Variants in MVB12B observed in about 807,000 individuals in gnomAD.
MVB12B encodes the protein ESCRT-I complex subunit MVB12B.
In MVB12B, 16 loss-of-function variants were observed where a neutral mutation model predicts 41.6. The ratio of observed to expected loss-of-function variants is 0.38; its 90% CI spans 0.26 to 0.58. The LOEUF is 0.58. MVB12B is among the 20% of genes least tolerant of loss of function. The probability of loss-of-function intolerance (pLI) is 0.62; values close to 1 mark genes in which losing one functional copy is unlikely to be tolerated. For missense variants in MVB12B, 274 were observed against 380.2 expected (o/e 0.72, Z 2.32); for synonymous variants, 133 against 139.7 (o/e 0.95, Z 0.34).
intron 7 of MVB12B, among the ~76,000 whole-genome samples, chr9:126,446,938 CTTTTT>C (rs33991689): frequency 9.6e-6 from 1 of 104,316 alleles, no homozygotes; most frequent in African/African-American, 3.9e-5. Flanking sequence ...TTTTAACTTT[CTTTTT>C]TTTTTTTTTT....
intron 2 of MVB12B, among the ~76,000 whole-genome samples, chr9:126,369,779 G>A (rs569846395): frequency 7.9e-5 from 12 of 152,190 alleles, no homozygotes; most frequent in Admixed American, 5.2e-4. Flanking sequence ...TCAGCCTCCC[G>A]AGTAGCTGGG....
At chr9:126,404,524 C>T (rs1039101446) in intron 6 of MVB12B, among the ~76,000 whole-genome samples, 4 of 152,224 alleles carry the variant, frequency 2.6e-5, no homozygotes, top group South Asian at 2.1e-4. Context: ...CAGGTGGCCC[C>T]GCCATCTTCC....
chr9:126,346,139 G>T (rs1829579810), intron 2 of MVB12B, among the ~76,000 whole-genome samples: 1 of 152,172 alleles, frequency 6.6e-6, no homozygotes, highest in Non-Finnish European at 1.5e-5. Context: ...AGACAGATGT[G>T]TGTTTTCCCA....
chr9:126,368,804 C>A (rs1021578849), intron 2 of MVB12B, among the ~76,000 whole-genome samples: 1 of 152,214 alleles, frequency 6.6e-6, no homozygotes, highest in East Asian at 1.9e-4. Context: ...CTTTCAACCA[C>A]ACCAGTTTGC....
chr9:126,470,406 G>A (rs1231043801), intron 7 of MVB12B, among the ~76,000 whole-genome samples: 1 of 152,142 alleles, frequency 6.6e-6, no homozygotes, highest in African/African-American at 2.4e-5. Flanking sequence ...GTGGACTGTG[G>A]GGCAGCTGCC....
intron 9 of MVB12B, among the ~76,000 whole-genome samples, chr9:126,495,857 C>G (rs1441284084): frequency 6.6e-6 from 1 of 152,198 alleles, no homozygotes; most frequent in Admixed American, 6.5e-5. Context: ...TGTGAACCTG[C>G]AGCTTGTACA....
intron 6 of MVB12B, among the ~76,000 whole-genome samples, chr9:126,402,396 G>C (rs1831290334): frequency 6.6e-6 from 1 of 151,988 alleles, no homozygotes; most frequent in Admixed American, 6.6e-5. Flanking sequence ...CTAGCACTTT[G>C]GGAGGCTGAG....
At chr9:126,385,395 T>A (rs1008246401) in intron 3 of MVB12B, among the ~76,000 whole-genome samples, 1 of 152,144 alleles carries the variant, frequency 6.6e-6, no homozygotes, top group Non-Finnish European at 1.5e-5. Context: ...GTTTAGATGA[T>A]AAGAACTCCC....
At chr9:126,441,278 T>C (rs1035689321) in intron 7 of MVB12B, among the ~76,000 whole-genome samples, 2 of 152,184 alleles carry the variant, frequency 1.3e-5, no homozygotes, top group African/African-American at 2.4e-5. Context: ...GGGAGCATAA[T>C]AGAGAGAGGC....
intron 7 of MVB12B, among the ~76,000 whole-genome samples, chr9:126,467,439 T>C (rs1054780100): frequency 2.0e-5 from 3 of 152,252 alleles, no homozygotes; most frequent in Non-Finnish European, 4.4e-5. Context: ...AGCAGGTTTC[T>C]TCACTGTAAA....
At chr9:126,499,493 G>A (rs1833906476) in intron 9 of MVB12B, among the ~76,000 whole-genome samples, 1 of 152,212 alleles carries the variant, frequency 6.6e-6, no homozygotes, top group Non-Finnish European at 1.5e-5. Flanking sequence ...TTATGCAGGA[G>A]ACTAATGTCT....
At chr9:126,456,025 G>C (rs1351427521) in intron 7 of MVB12B, among the ~76,000 whole-genome samples, 1 of 151,358 alleles carries the variant, frequency 6.6e-6, no homozygotes, top group African/African-American at 2.4e-5. Flanking sequence ...CAAGTAGCTG[G>C]GATCACAGGT....
chr9:126,490,809 C>T (rs1833715683), intron 9 of MVB12B, among the ~76,000 whole-genome samples: 1 of 152,156 alleles, frequency 6.6e-6, no homozygotes, highest in African/African-American at 2.4e-5. Flanking sequence ...TAATTTTATA[C>T]CTAAATATTT....
At chr9:126,337,188 C>T (rs1369505379) in intron 1 of MVB12B, among the ~76,000 whole-genome samples, 2 of 152,092 alleles carry the variant, frequency 1.3e-5, no homozygotes, top group African/African-American at 2.4e-5. Context: ...CCTGATTGGC[C>T]CTGCAACTTC....
chr9:126,395,061 G>A lies in MVB12B; in HGVS notation c.540-514G>A, dbSNP rs1473442908. Among the ~76,000 whole-genome samples, 1 of 152,096 alleles carries A rather than the reference G, an allele frequency of 6.6e-6. No individual in the cohort carries two copies. Among genetic ancestry groups the A allele is most frequent in the African/African-American group, 2.4e-5 (1 of 41,390 alleles). On this transcript the variant is annotated intron_variant, in intron 5 of 9. Transcript: ENST00000361171. This position sits in a 1 kb window ranked among gnomAD's most constrained non-coding sequence, Gnocchi z 4.9. ...TGTGGTTCATGGGGCCTCGAGTTTT[G>A]TAGTTTGAAGATGACTCCCAAACTG...
At chr9:126,424,928 G>A (rs1319423744) in intron 7 of MVB12B, among the ~76,000 whole-genome samples, 2 of 152,230 alleles carry the variant, frequency 1.3e-5, no homozygotes, top group African/African-American at 4.8e-5. Context: ...AGTCAGGGGT[G>A]GGAGGTGGAT....
chr9:126,371,500 G>A (rs763675131), intron 2 of MVB12B, among the ~76,000 whole-genome samples: 14 of 152,226 alleles, frequency 9.2e-5, no homozygotes, highest in Non-Finnish European at 1.5e-4. Flanking sequence ...GCTGGGAATA[G>A]GGACCTGCTT....
Position 126,499,713 on chromosome 9 carries a change from CAAG to C in MVB12B, c.874-3460_874-3458del, listed in dbSNP as rs200058061. Among the ~76,000 whole-genome samples, 609 of 152,114 alleles carry C rather than the reference CAAG, an allele frequency of 4.0e-3. 4 individuals carry two copies. Among genetic ancestry groups the C allele is most frequent in the Middle Eastern group, 0.017 (5 of 292 alleles). On this transcript the variant is annotated intron_variant, in intron 9 of 9. Coordinates refer to ENST00000361171, the MANE Select transcript of MVB12B (RefSeq NM_033446.3). ...ATTTCATTTGGGGAGTTAGGGAAAACAAGAAGCGGGGGTGGGTGGCGCTTTTCT... is the reference window on the plus strand; with the variant it reads ...ATTTCATTTGGGGAGTTAGGGAAAACAAGCGGGGGTGGGTGGCGCTTTTCT...
chr9:126,349,047 A>G (rs1350589425), intron 2 of MVB12B, among the ~76,000 whole-genome samples: 1 of 152,158 alleles, frequency 6.6e-6, no homozygotes, highest in African/African-American at 2.4e-5. Flanking sequence ...CTGGGGAAGC[A>G]CAGGTGGGGA....
Sources: gnomAD v4.1 joint callset for allele counts (sites outside exome capture counted in the v4.1 genomes callset) on GRCh38, gnomAD v4.1.1 for gene constraint, Gnocchi (gnomAD v3.1) non-coding constraint, MANE v1.5 for transcripts, NCBI Gene and HGNC (gene_info 2026-07-23, HGNC 2026-07-21) for gene names.